Variants in ASRGL1 observed in about 807,000 individuals in gnomAD.
The protein encoded by ASRGL1 is isoaspartyl peptidase/L-asparaginase.
Under a neutral mutation model 22.4 loss-of-function variants are expected in ASRGL1, and 16 were observed. The observed-to-expected ratio is 0.71, with a 90% CI of 0.48 to 1.08. The LOEUF is 1.08. ASRGL1 is among the 50% of genes least tolerant of loss of function. The probability of loss-of-function intolerance (pLI) is 0.00; values close to 1 mark genes in which losing one functional copy is unlikely to be tolerated. For missense variants in ASRGL1, 412 were observed against 410.1 expected (o/e 1.00, Z -0.04); for synonymous variants, 165 against 159.3 (o/e 1.04, Z -0.27).
In ASRGL1 at chr11:62,362,606, A is replaced by T. The variant is rs1003995227; in HGVS notation, c.491+5462A>T. ...TAAAATATATAATATATATTATATAAAATATATATTATATATTATATAAAA... is the reference window on the plus strand; with the variant it reads ...TAAAATATATAATATATATTATATATAATATATATTATATATTATATAAAA... On this transcript the variant is annotated intron_variant, in intron 4 of 6. Coordinates refer to ENST00000415229, the MANE Select transcript of ASRGL1 (RefSeq NM_001083926.2). Among the ~76,000 whole-genome samples the T allele has an allele frequency of 3.7e-3, 105 of 28,290 alleles. 6 individuals carry two copies. Among genetic ancestry groups the T allele is most frequent in the Admixed American group, 9.3e-3 (16 of 1,728 alleles). The allele number at this position is 28,290 out of a possible 152,430, so 18.6% of individuals were successfully genotyped here.
At chr11:62,399,889 G>A in the ASRGL1 span, among the ~76,000 whole-genome samples, 2 of 152,164 alleles carry the variant, frequency 1.3e-5, no homozygotes, top group East Asian at 1.9e-4. Context: ...TCTCAGCATC[G>A]AGGCTGCCCG....
chr11:62,368,199 C>G (rs546706697), intron 4 of ASRGL1, among the ~76,000 whole-genome samples: 1 of 152,170 alleles, frequency 6.6e-6, no homozygotes, highest in Non-Finnish European at 1.5e-5. Context: ...TAATCTCTTA[C>G]TGTGCCTAAT....
In ASRGL1 at chr11:62,378,318, G is replaced by A. The variant is rs115666964; in HGVS notation, c.492-10815G>A. ...GAAATGTATAACAGTTAATTAATTTGTCTCTCATTTCTGCAGCACATAAAA... is the reference window on the plus strand; with the variant it reads ...GAAATGTATAACAGTTAATTAATTTATCTCTCATTTCTGCAGCACATAAAA... On this transcript the variant is annotated intron_variant, in intron 4 of 6. Coordinates refer to ENST00000415229, the MANE Select transcript of ASRGL1 (RefSeq NM_001083926.2). Among the ~76,000 whole-genome samples, 450 of 152,210 alleles carry A rather than the reference G, an allele frequency of 3.0e-3. 2 individuals are homozygous for A. The highest frequency in any genetic ancestry group is 0.01 in the African/African-American group (430 of 41,522).
At chr11:62,373,259 A>G (rs1054849126) in intron 4 of ASRGL1, 2 of 755,972 alleles carry the variant, frequency 2.6e-6, no homozygotes, top group Admixed American at 2.2e-5. Flanking sequence ...CAAACAAGGA[A>G]TTTAAAAAAG....
chr11:62,371,180 CGG>C, intron 4 of ASRGL1: 1 of 1,235,666 alleles, frequency 8.1e-7, no homozygotes, highest in Non-Finnish European at 1.1e-6. Flanking sequence ...GAGCTGAGCT[CGG>C]GCAACGGCAC....
At chr11:62,371,187 C>G (rs980801745) in intron 4 of ASRGL1, 7 of 1,239,098 alleles carry the variant, frequency 5.6e-6, no homozygotes, top group African/African-American at 1.6e-5. Flanking sequence ...GCTCGGGCAA[C>G]GGCACTGCCC....
chr11:62,396,063 C>T (rs2134714135), downstream of ASRGL1, among the ~76,000 whole-genome samples: 1 of 152,074 alleles, frequency 6.6e-6, no homozygotes, highest in African/African-American at 2.4e-5. Flanking sequence ...ACCACCGCAC[C>T]CGGCCTTTGT....
At chr11:62,383,097 A>C (rs878879691) in intron 4 of ASRGL1, 2 of 152,216 alleles carry the variant, frequency 1.3e-5, no homozygotes, top group African/African-American at 4.8e-5. Context: ...CCACAAATCC[A>C]TATAGTATTT....
intron 4 of ASRGL1, among the ~76,000 whole-genome samples, chr11:62,375,457 T>TATATATATATAC (rs1565169557): frequency 9.0e-6 from 1 of 111,328 alleles, no homozygotes; most frequent in African/African-American, 3.3e-5. Context: ...TATATATATA[T>TATATATATATAC]ATATATATAT....
At chr11:62,391,190 T>C (rs2134705481) in intron 5 of ASRGL1, among the ~76,000 whole-genome samples, 1 of 152,274 alleles carries the variant, frequency 6.6e-6, no homozygotes, top group South Asian at 2.1e-4. Flanking sequence ...CTCCATAGTG[T>C]GTGGGGCATG....
chr11:62,359,037 G>C (rs529961986), intron 4 of ASRGL1, among the ~76,000 whole-genome samples: 1 of 152,216 alleles, frequency 6.6e-6, no homozygotes, highest in Non-Finnish European at 1.5e-5. Context: ...GTTCTGTGGT[G>C]TAATGGTTAG....
intron 6 of ASRGL1, 84 bp downstream of exon 6, chr11:62,391,716 T>G: frequency 1.8e-4 from 214 of 1,222,188 alleles, no homozygotes; most frequent in Non-Finnish European, 2.1e-4. Flanking sequence ...TGGAGAAGTG[T>G]AGGAAACCCT....
chr11:62,355,784 G>A (rs1056182816), intron 2 of ASRGL1, among the ~76,000 whole-genome samples: 2 of 152,124 alleles, frequency 1.3e-5, no homozygotes. Flanking sequence ...CGCAGTGTTT[G>A]TGTCCCTGGG....
chr11:62,337,739 A>AC (rs3216739), intron 1 of ASRGL1, among the ~76,000 whole-genome samples, 151 bp from the exon 2 acceptor site: 1 of 151,934 alleles, frequency 6.6e-6, no homozygotes, highest in African/African-American at 2.4e-5. Context: ...GGAAACTGAG[A>AC]CCCCCAGCAG....
intron 4 of ASRGL1, among the ~76,000 whole-genome samples, chr11:62,377,766 T>C (rs1199415131): frequency 6.6e-6 from 1 of 152,188 alleles, no homozygotes; most frequent in African/African-American, 2.4e-5. Context: ...CACACAATTT[T>C]ATTATTCGTA....
At chr11:62,370,722 TC>T (rs1440195866) in intron 4 of ASRGL1, among the ~76,000 whole-genome samples, 1 of 152,202 alleles carries the variant, frequency 6.6e-6, no homozygotes, top group East Asian at 1.9e-4. Context: ...CTGTAATAGT[TC>T]TGAATTCATC....
At position 62,362,599 on chromosome 11, in the gene ASRGL1, T is replaced by A. The variant is rs1303999231; in HGVS notation, c.491+5455T>A. Among the ~76,000 whole-genome samples, 17 of 59,784 alleles carry A rather than the reference T, an allele frequency of 2.8e-4. 1 individual carries two copies. The highest frequency in any genetic ancestry group is 9.8e-4 in the African/African-American group (16 of 16,362). The allele number at this position is 59,784 out of a possible 152,430, so 39.2% of individuals were successfully genotyped here. On this transcript the variant is annotated intron_variant, in intron 4 of 6. Transcript: ENST00000415229. ...TATTATATAAAATATATAATATATATTATATAAAATATATATTATATATTA... is the reference window on the plus strand; with the variant it reads ...TATTATATAAAATATATAATATATAATATATAAAATATATATTATATATTA...
At chr11:62,396,114 G>A (rs1323888513), downstream of ASRGL1, among the ~76,000 whole-genome samples, 1 of 151,908 alleles carries the variant, frequency 6.6e-6, no homozygotes, top group Non-Finnish European at 1.5e-5. Context: ...CATCAACCTT[G>A]TCTGGCTAAA....
intron 4 of ASRGL1, among the ~76,000 whole-genome samples, chr11:62,377,118 T>C (rs1946951711): frequency 6.6e-6 from 1 of 152,200 alleles, no homozygotes; most frequent in Admixed American, 6.5e-5. Flanking sequence ...CAAATTTGTT[T>C]TTTAATCCTG....
Sources: allele counts gnomAD v4.1 joint callset (sites outside exome capture counted in the v4.1 genomes callset), GRCh38; gene constraint gnomAD v4.1.1; transcripts MANE v1.5; gene names NCBI Gene and HGNC (gene_info 2026-07-23, HGNC 2026-07-21).